The following MCUB variants were observed in gnomAD, a reference collection of about 807,000 sequenced individuals.
The protein encoded by MCUB is mitochondrial calcium uniporter dominant negative subunit beta.
A neutral mutation model predicts 41.4 loss-of-function variants in MCUB; 46 were observed. The observed-to-expected ratio is 1.11, with a 90% confidence interval of 0.88 to 1.42. MCUB has a LOEUF of 1.42. Among genes scored for constraint, MCUB ranks in the 40% most tolerant of loss-of-function variants. The pLI is 0.00. For missense variants in MCUB, 403 were observed against 404.9 expected (o/e 1.00, Z 0.04); for synonymous variants, 148 against 148.2 (o/e 1.00, Z 0.01).
chr4:109,663,324 C>A (rs2126145358), intron 3 of MCUB, among the ~76,000 whole-genome samples: 1 of 152,348 alleles, frequency 6.6e-6, no homozygotes, highest in South Asian at 2.1e-4. Flanking sequence ...GCTTTCTTAA[C>A]ACCTGGATTA....
intron 4 of MCUB, chr4:109,673,981 A>C: frequency 1.0e-6 from 1 of 954,504 alleles, no homozygotes. Context: ...TGGATTACAC[A>C]AACTGAAGAG....
At chr4:109,626,821 C>CAAAA (rs58560479) in intron 1 of MCUB, among the ~76,000 whole-genome samples, 7 of 81,550 alleles carry the variant, frequency 8.6e-5, no homozygotes, top group East Asian at 3.6e-4. Context: ...GAGTCCGACT[C>CAAAA]AAAAAAAAAA....
At chr4:109,613,863 C>T (rs1019654927) in intron 1 of MCUB, among the ~76,000 whole-genome samples, 1 of 151,866 alleles carries the variant, frequency 6.6e-6, no homozygotes, top group African/African-American at 2.4e-5. Context: ...CTCCATTTTC[C>T]CCCAAAGGTA....
chr4:109,659,172 T>A (rs1028414169), intron 2 of MCUB, 86 bp downstream of exon 2: 1 of 841,416 alleles, frequency 1.2e-6, no homozygotes, highest in African/African-American at 1.7e-5. Context: ...TTGAGCAGAA[T>A]AGACTTTTCT....
At chr4:109,601,088 C>T (rs549345399) in intron 1 of MCUB, among the ~76,000 whole-genome samples, 44 of 145,722 alleles carry the variant, frequency 3.0e-4, no homozygotes, top group African/African-American at 8.8e-4. Flanking sequence ...CTACCGCACC[C>T]GGCCTATTGT....
intron 1 of MCUB, among the ~76,000 whole-genome samples, chr4:109,613,334 G>A (rs1381015630): frequency 2.6e-5 from 4 of 152,260 alleles, no homozygotes; most frequent in Middle Eastern, 3.4e-3. Context: ...TCTGTAGTCC[G>A]GGAATCCAGG....
chr4:109,575,616 C>T (rs1727008852), intron 1 of MCUB, among the ~76,000 whole-genome samples: 1 of 152,154 alleles, frequency 6.6e-6, no homozygotes, highest in Non-Finnish European at 1.5e-5. Context: ...GCATCGTAAT[C>T]AACAGTTGTT....
chr4:109,590,874 T>G (rs780914247), intron 1 of MCUB, among the ~76,000 whole-genome samples: 1 of 152,250 alleles, frequency 6.6e-6, no homozygotes, highest in South Asian at 2.1e-4. Context: ...TAGAAAACCA[T>G]GATTACCTTG....
At chr4:109,675,100 AAAAAG>A (rs1474676886) in intron 4 of MCUB, among the ~76,000 whole-genome samples, 12 of 152,294 alleles carry the variant, frequency 7.9e-5, no homozygotes, top group African/African-American at 2.9e-4. Flanking sequence ...CAAAAAGAAA[AAAAAG>A]AAAAGGAAAA....
At chr4:109,602,957 A>C (rs1443196436) in intron 1 of MCUB, among the ~76,000 whole-genome samples, 1 of 152,240 alleles carries the variant, frequency 6.6e-6, no homozygotes, top group Non-Finnish European at 1.5e-5. Context: ...TGGCTATTGT[A>C]AATGGGATTA....
At chr4:109,606,834 C>A (rs1727882648) in intron 1 of MCUB, among the ~76,000 whole-genome samples, 1 of 152,016 alleles carries the variant, frequency 6.6e-6, no homozygotes. Context: ...GCAACCTCTG[C>A]CTCCTGGATT....
chr4:109,639,033 A>G (rs1022332879), intron 1 of MCUB, among the ~76,000 whole-genome samples: 6 of 151,884 alleles, frequency 4.0e-5, no homozygotes, highest in Non-Finnish European at 7.4e-5. Flanking sequence ...CTTCTTCAAA[A>G]CTCCTGTTAA....
chr4:109,641,991 T>C (rs986529544), intron 1 of MCUB, among the ~76,000 whole-genome samples: 1 of 152,254 alleles, frequency 6.6e-6, no homozygotes, highest in Non-Finnish European at 1.5e-5. Context: ...TTTATGTCTG[T>C]ATACAAAATT....
In MCUB at chr4:109,668,899, A is replaced by G. The variant is rs370561356; in HGVS notation, c.451+4505A>G. On this transcript the variant is annotated intron_variant, in intron 4 of 7. Transcript: ENST00000394650. ...AATAACATTATATTGCTTCACGGCT[A>G]GTGCAAATACCTTATAATAACAAAA... Among the ~76,000 whole-genome samples the G allele has an allele frequency of 2.6e-5, 4 of 152,198 alleles. No homozygotes were observed. In the South Asian group the frequency reaches 8.3e-4, roughly 32 times the overall value.
intron 5 of MCUB, chr4:109,683,031 C>G: frequency 8.3e-6 from 2 of 240,704 alleles, no homozygotes; most frequent in Non-Finnish European, 1.6e-5. Flanking sequence ...AGAGATCAGT[C>G]ATAATGTCTC....
chr4:109,629,443 A>C (rs1273830434), intron 1 of MCUB, among the ~76,000 whole-genome samples: 1 of 152,214 alleles, frequency 6.6e-6, no homozygotes, highest in Non-Finnish European at 1.5e-5. Flanking sequence ...ACCAGCCATC[A>C]ATCAGTTAAT....
intron 1 of MCUB, among the ~76,000 whole-genome samples, chr4:109,612,770 G>T (rs28407845): frequency 0.019 from 2,919 of 152,152 alleles, 92 homozygotes; most frequent in African/African-American, 0.067. Flanking sequence ...AAGATGGCAG[G>T]CTTGACAAAT....
chr4:109,587,065 T>C (rs1409602491), intron 1 of MCUB, among the ~76,000 whole-genome samples: 1 of 152,186 alleles, frequency 6.6e-6, no homozygotes, highest in Non-Finnish European at 1.5e-5. Flanking sequence ...TTCCCAGAGG[T>C]GGAGTCTACA....
chr4:109,637,701 G>C (rs140857876), intron 1 of MCUB, among the ~76,000 whole-genome samples: 1 of 152,290 alleles, frequency 6.6e-6, no homozygotes, highest in East Asian at 1.9e-4. Flanking sequence ...GCTAAGCTAT[G>C]AGTACCCAAA....
Sources: allele counts gnomAD v4.1 joint callset (sites outside exome capture counted in the v4.1 genomes callset), GRCh38; gene constraint gnomAD v4.1.1; transcripts MANE v1.5; gene names NCBI Gene and HGNC (gene_info 2026-07-23, HGNC 2026-07-21).